CIAPIN1: variants seen among roughly 807,000 people sequenced by gnomAD.
CIAPIN1 encodes anamorsin.
CIAPIN1 carries 18 observed loss-of-function variants against 34.3 expected under a neutral mutation model. That is an observed-to-expected ratio of 0.52 (90% CI 0.36 to 0.78). CIAPIN1 has a LOEUF of 0.78. CIAPIN1 is among the 30% of genes least tolerant of loss of function. CIAPIN1 has a pLI of 0.00. For synonymous variants in CIAPIN1, 131 were observed against 140.4 expected (o/e 0.93, Z 0.47); for missense variants, 310 against 372.5 (o/e 0.83, Z 1.38).
chr16:57,441,790 T>C (rs1045920243), intron 1 of CIAPIN1, among the ~76,000 whole-genome samples: 2 of 152,242 alleles, frequency 1.3e-5, no homozygotes, highest in Non-Finnish European at 2.9e-5. Flanking sequence ...GGTGAGTATA[T>C]AATATGCTCA....
chr16:57,432,437 C>A, intron 6 of CIAPIN1, 50 bp downstream of exon 6: 1 of 1,565,454 alleles, frequency 6.4e-7, no homozygotes, highest in South Asian at 1.1e-5. Flanking sequence ...TGTTCACACC[C>A]AAACTGGGGC....
chr16:57,444,623 A>G (rs1189598977), intron 1 of CIAPIN1, among the ~76,000 whole-genome samples: 2 of 152,240 alleles, frequency 1.3e-5, no homozygotes, highest in East Asian at 3.8e-4. Context: ...ATCTCCCAAA[A>G]CTAATCTTAT....
intron 3 of CIAPIN1, among the ~76,000 whole-genome samples, chr16:57,437,539 T>A (rs1029320047): frequency 1.4e-5 from 2 of 141,002 alleles, no homozygotes; most frequent in Admixed American, 6.9e-5. Flanking sequence ...TATTATTATT[T>A]TTGAGACAGG....
intron 6 of CIAPIN1, 125 bp downstream of exon 6, chr16:57,432,362 G>C: frequency 1.4e-6 from 1 of 690,558 alleles, no homozygotes; most frequent in Non-Finnish European, 2.4e-6. Flanking sequence ...AGATGTGACA[G>C]GCATAGTCAC....
Position 57,432,477 on chromosome 16 carries a change from G to A in CIAPIN1, c.630+10C>T, listed in dbSNP as rs145498468. On this transcript the variant is annotated intron_variant, in intron 6 of 8. Coordinates refer to ENST00000394391, the MANE Select transcript of CIAPIN1 (RefSeq NM_020313.4). ...AAGAAAGCAATCAAGTGACAATGCT[G>A]CCAGCTCACCATGCTGTCGTCCTCC... The A allele has an allele frequency of 1.2e-6, 2 of 1,612,988 alleles. No individual in the cohort carries two copies. Among genetic ancestry groups the A allele is most frequent in the East Asian group, 4.5e-5 (2 of 44,862 alleles).
chr16:57,445,841 T>G (rs78498303), intron 1 of CIAPIN1, among the ~76,000 whole-genome samples: 1,319 of 124,290 alleles, frequency 0.011, 5 homozygotes, highest in Middle Eastern at 0.051. Context: ...GAGGTTTTTT[T>G]TTTTTTTTTT....
intron 6 of CIAPIN1, 75 bp from the exon 7 acceptor site, chr16:57,431,341 C>A: frequency 1.0e-6 from 1 of 984,236 alleles, no homozygotes; most frequent in Non-Finnish European, 1.6e-6. Context: ...CTGCAGGCTT[C>A]GAGAGGAAAC....
At chr16:57,430,367 G>A (rs772511815) in intron 7 of CIAPIN1, 28 bp from the exon 8 acceptor site, 13 of 1,608,650 alleles carry the variant, frequency 8.1e-6, no homozygotes, top group East Asian at 2.2e-5. Flanking sequence ...ACTAATGAAC[G>A]AGAATTGTCA....
intron 8 of CIAPIN1, among the ~76,000 whole-genome samples, chr16:57,429,673 T>C (rs1462336857): frequency 1.3e-5 from 2 of 152,108 alleles, no homozygotes; most frequent in Non-Finnish European, 1.5e-5. Context: ...TTTGTATTTT[T>C]AGTAGAGACG....
At chr16:57,434,662 C>T (rs1418477540) in intron 4 of CIAPIN1, among the ~76,000 whole-genome samples, 1 of 152,086 alleles carries the variant, frequency 6.6e-6, no homozygotes, top group African/African-American at 2.4e-5. Context: ...GTCAGGGTGC[C>T]ACCTCTATGT....
chr16:57,446,232 C>G (rs2030061965), intron 1 of CIAPIN1, among the ~76,000 whole-genome samples: 1 of 152,080 alleles, frequency 6.6e-6, no homozygotes. Flanking sequence ...GAAAGGATAC[C>G]CAAATGTTAG....
rs1555513065 is a variant in CIAPIN1, at chr16:57,433,546, T to TGTGC, written c.556+497_556+498insGCAC. 1.1e-3 allele frequency: 204 copies of TGTGC among 181,488 alleles called. 1 individual carries two copies. The highest frequency in any genetic ancestry group is 4.3e-3 in the African/African-American group (176 of 41,364). The allele number at this position is 181,488 out of a possible 1,614,324, so 11.2% of individuals were successfully genotyped here. On this transcript the variant is annotated intron_variant, in intron 5 of 8. Coordinates refer to ENST00000394391, the MANE Select transcript of CIAPIN1 (RefSeq NM_020313.4). ...AGCTGTGTGTGTGTGTGTGTGTGCGTGCGCGTGCGTGCACGCGTGTGCTTG... is the reference window on the plus strand; with the variant it reads ...AGCTGTGTGTGTGTGTGTGTGTGCGTGTGCGCGCGTGCGTGCACGCGTGTGCTTG...
At chr16:57,433,006 A>G (rs1903123133) in intron 5 of CIAPIN1, among the ~76,000 whole-genome samples, 1 of 152,232 alleles carries the variant, frequency 6.6e-6, no homozygotes, top group African/African-American at 2.4e-5. Context: ...GTTAAATTGT[A>G]CTTCCTATGT....
In CIAPIN1 at chr16:57,429,128, G is replaced by C. The variant is rs747083763; in HGVS notation, c.*42C>G. 7.5e-7 allele frequency: 1 copy of C among 1,342,062 alleles called. No homozygotes were observed. Among genetic ancestry groups the C allele is most frequent in the Admixed American group, 1.7e-5 (1 of 59,506 alleles). The allele number at this position is 1,342,062 out of a possible 1,614,324, so 83.1% of individuals were successfully genotyped here. ...CACCATGGTGGGATGTGAGGGACAG[G>C]AGTTGGCTGGAGGAGCAGATGGGTC... On this transcript the variant is annotated 3_prime_UTR_variant, in exon 9 of 9. Transcript: ENST00000394391.
Position 57,434,109 on chromosome 16 carries a change from G to C in CIAPIN1, c.491C>G (p.Pro164Arg). Reference sequence around the variant, plus strand: ...CCTAGAAGAACCCACTTCAAAGTTTGGTTTTTTGCCTGTGATCTGAACAAA... The same window carrying C: ...CCTAGAAGAACCCACTTCAAAGTTTCGTTTTTTGCCTGTGATCTGAACAAA... ...LLFVQITGKKPNFEVGSSRQL... is the reference protein window; with the variant it reads ...LLFVQITGKKRNFEVGSSRQL... Residue 164 changes from proline to arginine, a missense_variant, in exon 5 of 9, where the codon CCA becomes CGA. Physicochemically the swap from Pro to Arg is moderately radical, Grantham distance 103. Transcript: ENST00000394391. 6.2e-7 allele frequency: 1 copy of C among 1,614,140 alleles called. No individual in the cohort carries two copies. The highest frequency in any genetic ancestry group is 8.5e-7 in the Non-Finnish European group (1 of 1,180,026).
rs2146563752 is a variant in CIAPIN1 at position 57,436,654 on chromosome 16, A to T, written c.387+2T>A. On this transcript the variant is annotated splice_donor_variant, in intron 4 of 8. Coordinates refer to ENST00000394391, the MANE Select transcript of CIAPIN1 (RefSeq NM_020313.4). LOFTEE classifies it high-confidence loss of function. ...AGCAAAGAAAGTTGTCTACAAACGTACCTCTTTCACTTCCACAAGACCAGA... is the reference window on the plus strand; with the variant it reads ...AGCAAAGAAAGTTGTCTACAAACGTTCCTCTTTCACTTCCACAAGACCAGA... 1 of 1,612,104 alleles carries T rather than the reference A, an allele frequency of 6.2e-7. No homozygotes were observed. Among genetic ancestry groups the T allele is most frequent in the Non-Finnish European group, 8.5e-7 (1 of 1,178,294 alleles).
intron 4 of CIAPIN1, among the ~76,000 whole-genome samples, chr16:57,435,212 A>T (rs1308731210): frequency 1.3e-5 from 2 of 152,020 alleles, no homozygotes; most frequent in African/African-American, 2.4e-5. Flanking sequence ...CTCTTTCTTG[A>T]TCCTGCTTTT....
At chr16:57,434,584 A>G (rs917265744) in intron 4 of CIAPIN1, among the ~76,000 whole-genome samples, 1 of 152,210 alleles carries the variant, frequency 6.6e-6, no homozygotes, top group Non-Finnish European at 1.5e-5. Flanking sequence ...CCAAAAGAAA[A>G]AGGGGGAGGA....
chr16:57,447,301 T>A (rs2030126412), intron 1 of CIAPIN1, 41 bp downstream of exon 1: 1 of 407,056 alleles, frequency 2.5e-6, no homozygotes, highest in East Asian at 3.6e-5. Context: ...AGGGGACAGT[T>A]GAGGGAGCTC....
Sources: allele counts gnomAD v4.1 joint callset (sites outside exome capture counted in the v4.1 genomes callset), GRCh38; gene constraint gnomAD v4.1.1; transcripts MANE v1.5; gene names NCBI Gene and HGNC (gene_info 2026-07-23, HGNC 2026-07-21).